Variants in RHOU observed in about 807,000 individuals in gnomAD.
RHOU encodes the protein rho-related GTP-binding protein RhoU.
Under a neutral mutation model 12.6 loss-of-function variants are expected in RHOU, and 8 were observed. The observed-to-expected ratio is 0.64, with a 90% CI of 0.37 to 1.15. The LOEUF is 1.15. Ranked by LOEUF, RHOU falls within the 50% of genes most tolerant of loss-of-function variation. The pLI is 0.01. For synonymous variants in RHOU, 161 were observed against 147.4 expected (o/e 1.09, Z -0.67); for missense variants, 258 against 347.0 (o/e 0.74, Z 2.04).
chr1:228,648,954 T>TC, the RHOU span, among the ~76,000 whole-genome samples: 1 of 151,868 alleles, frequency 6.6e-6, no homozygotes. Context: ...AACCTCCTCT[T>TC]CTGGGTTAAA....
At chr1:228,647,247 G>T in the RHOU span, among the ~76,000 whole-genome samples, 1 of 152,186 alleles carries the variant, frequency 6.6e-6, no homozygotes, top group Non-Finnish European at 1.5e-5. Context: ...GGTGGGTTTC[G>T]TAGGCTCCAT....
chr1:228,653,372 T>A, the RHOU span, among the ~76,000 whole-genome samples: 1 of 152,132 alleles, frequency 6.6e-6, no homozygotes, highest in Non-Finnish European at 1.5e-5. Context: ...CAGGCTGGAG[T>A]GCAGTGGTGC....
rs1662657358 is a variant in RHOU at position 228,738,412 on chromosome 1, G to A, written c.321+681G>A. ...AAGAAGCCCCCATTGGTGGGTACTC[G>A]AGTCATTGAAGTCAGGCTGTGCCTT... On this transcript the variant is annotated intron_variant, in intron 2 of 2. Transcript: ENST00000366691. This position sits in a 1 kb window ranked among gnomAD's most constrained non-coding sequence, Gnocchi z 4.2. Among the ~76,000 whole-genome samples, 1 of 152,116 alleles carries A rather than the reference G, an allele frequency of 6.6e-6. No individual in the cohort carries two copies. The highest frequency in any genetic ancestry group is 1.5e-5 in the Non-Finnish European group (1 of 68,018).
the RHOU span, among the ~76,000 whole-genome samples, chr1:228,708,122 G>A: frequency 2.0e-5 from 3 of 152,144 alleles, no homozygotes; most frequent in Non-Finnish European, 2.9e-5. Flanking sequence ...AGAATAAAAA[G>A]AAACGAGCAA....
the RHOU span, among the ~76,000 whole-genome samples, chr1:228,669,575 G>T: frequency 4.6e-5 from 7 of 152,238 alleles, no homozygotes; most frequent in East Asian, 1.3e-3. Context: ...AAGCCATGTC[G>T]CTGGTTAAGA....
At chr1:228,664,294 G>T in the RHOU span, among the ~76,000 whole-genome samples, 1 of 151,744 alleles carries the variant, frequency 6.6e-6, no homozygotes, top group Non-Finnish European at 1.5e-5. Context: ...TTACAGGTGT[G>T]AGCCGCTGCG....
chr1:228,687,761 C>G, the RHOU span: 1 of 1,394,046 alleles, frequency 7.2e-7, no homozygotes, highest in African/African-American at 1.4e-5. Context: ...TGGGAGCGCC[C>G]GAATCTGGCT....
the RHOU span, among the ~76,000 whole-genome samples, chr1:228,680,239 C>A: frequency 6.6e-6 from 1 of 152,048 alleles, no homozygotes; most frequent in Non-Finnish European, 1.5e-5. Flanking sequence ...AAGGAGTTGG[C>A]CAGGGAACAT....
At chr1:228,685,340 A>G in the RHOU span, among the ~76,000 whole-genome samples, 3 of 152,214 alleles carry the variant, frequency 2.0e-5, no homozygotes, top group African/African-American at 7.2e-5. Flanking sequence ...CCCAGCCTCT[A>G]TTAAGATGGA....
the RHOU span, among the ~76,000 whole-genome samples, chr1:228,657,279 C>CAAAAAAAAAAAAAAA: frequency 3.6e-5 from 1 of 28,028 alleles, no homozygotes; most frequent in South Asian, 2.2e-3. Flanking sequence ...AACTCCATCT[C>CAAAAAAAAAAAAAAA]AAAAAAAAAA....
chr1:228,743,699 C>T lies in RHOU; in HGVS notation c.736C>T (p.Leu246Phe). 4 of 1,613,828 alleles carry T rather than the reference C, an allele frequency of 2.5e-6. No homozygotes were observed. Among genetic ancestry groups the T allele is most frequent in the Non-Finnish European group, 3.4e-6 (4 of 1,179,874 alleles). Residue 246 changes from leucine (L) to phenylalanine (F), a missense_variant, in exon 3 of 3, where the codon CTC becomes TTC. Coordinates refer to ENST00000366691, the MANE Select transcript of RHOU (RefSeq NM_021205.6). This position sits in a 1 kb window ranked among gnomAD's most constrained non-coding sequence, Gnocchi z 5.1. ...KSRTPDKMKNLSKSWWKKYCC... is the reference protein window; with the variant it reads ...KSRTPDKMKNFSKSWWKKYCC... ...CAGGACTCCAGATAAAATGAAAAAC[C>T]TCTCCAAGTCCTGGTGGAAGAAGTA...
chr1:228,742,456 G>A (rs1571891358), intron 2 of RHOU, among the ~76,000 whole-genome samples: 5 of 152,282 alleles, frequency 3.3e-5, no homozygotes, highest in Admixed American at 3.3e-4. Context: ...TACTTTAAGG[G>A]TAGGGTGGGC....
chr1:228,700,043 C>A, the RHOU span, among the ~76,000 whole-genome samples: 1 of 152,192 alleles, frequency 6.6e-6, no homozygotes, highest in Non-Finnish European at 1.5e-5. Flanking sequence ...ATAGTTTTAT[C>A]TTTTTTTATA....
At chr1:228,687,937 C>T in the RHOU span, 1 of 699,132 alleles carries the variant, frequency 1.4e-6, no homozygotes, top group Non-Finnish European at 2.6e-6. Flanking sequence ...CCATCTCCCT[C>T]CCTCTGTCCC....
chr1:228,734,228 C>A (rs1351910152), upstream of RHOU, among the ~76,000 whole-genome samples: 1 of 151,758 alleles, frequency 6.6e-6, no homozygotes, highest in Non-Finnish European at 1.5e-5. Context: ...CATATTACCA[C>A]GTGTACACAT....
At chr1:228,724,720 T>C in the RHOU span, among the ~76,000 whole-genome samples, 3 of 152,222 alleles carry the variant, frequency 2.0e-5, no homozygotes, top group African/African-American at 7.2e-5. Context: ...CAAAACTTAT[T>C]CCTCCTGCCT....
the RHOU span, among the ~76,000 whole-genome samples, chr1:228,666,842 G>A: frequency 7.9e-4 from 121 of 152,290 alleles, no homozygotes; most frequent in Non-Finnish European, 1.0e-3. Context: ...GGAATGTAAC[G>A]AGACTAGAAA....
the RHOU span, among the ~76,000 whole-genome samples, chr1:228,712,548 A>G: frequency 6.6e-6 from 1 of 151,582 alleles, no homozygotes; most frequent in African/African-American, 2.4e-5. Context: ...TTCTCAGTAA[A>G]CTATCGCAAG....
chr1:228,669,604 G>A, the RHOU span, among the ~76,000 whole-genome samples: 1 of 152,150 alleles, frequency 6.6e-6, no homozygotes, highest in African/African-American at 2.4e-5. Flanking sequence ...AATGTTATTG[G>A]AATAGAACTA....
Sources: gnomAD v4.1 joint callset for allele counts (sites outside exome capture counted in the v4.1 genomes callset) on GRCh38, gnomAD v4.1.1 for gene constraint, Gnocchi (gnomAD v3.1) non-coding constraint, MANE v1.5 for transcripts, NCBI Gene and HGNC (gene_info 2026-07-23, HGNC 2026-07-21) for gene names.